The following CSRNP2 variants were observed in gnomAD, a reference collection of about 807,000 sequenced individuals.
The protein encoded by CSRNP2 is cysteine/serine-rich nuclear protein 2.
A neutral mutation model predicts 36.6 loss-of-function variants in CSRNP2; 11 were observed. That is an observed-to-expected ratio of 0.30 (90% CI 0.19 to 0.50). The LOEUF is 0.50. CSRNP2 is among the 20% of genes least tolerant of loss of function. CSRNP2 has a pLI of 0.98. For synonymous variants in CSRNP2, 248 were observed against 275.3 expected (o/e 0.90, Z 0.98); for missense variants, 483 against 691.4 (o/e 0.70, Z 3.38).
intron 1 of CSRNP2, among the ~76,000 whole-genome samples, chr12:51,082,071 T>A (rs963309692): frequency 6.6e-6 from 1 of 152,222 alleles, no homozygotes; most frequent in Non-Finnish European, 1.5e-5. Context: ...AGGGCTACCA[T>A]CTGTAGCTGG....
intron 3 of CSRNP2, among the ~76,000 whole-genome samples, chr12:51,068,604 C>T (rs1159956266): frequency 4.6e-5 from 7 of 152,142 alleles, no homozygotes; most frequent in African/African-American, 7.2e-5. Context: ...CCCTCCTACA[C>T]GAAAATCTAT....
chr12:51,078,698 C>T (rs972810904), intron 1 of CSRNP2, among the ~76,000 whole-genome samples: 23 of 152,126 alleles, frequency 1.5e-4, no homozygotes, highest in African/African-American at 5.3e-4. Context: ...GTTAGAATGG[C>T]GATCATTAAG....
rs143340150 is a variant in CSRNP2, at chr12:51,064,490, C to T, written c.888G>A (p.Pro296=). ...CTCCTGTCAGGCTGCAACTGGCAGT[C>T]GGGGAGGGCTCCTCATCTGGGGCTG... ...RPAAPDEEPS[P]TASCSLTGAQ... is the part of the protein sequence containing the mutation. Residue 296 remains proline, a synonymous_variant, in exon 5 of 5, where the codon CCG becomes CCA. Transcript: ENST00000228515. 3.3e-5 allele frequency: 53 copies of T among 1,610,188 alleles called. No homozygotes were observed. Among genetic ancestry groups the T allele is most frequent in the Middle Eastern group, 1.7e-4 (1 of 6,034 alleles).
rs1566173268 is a variant in CSRNP2 at position 51,064,565 on chromosome 12, G to A, written c.813C>T (p.His271=). 6.2e-7 allele frequency: 1 copy of A among 1,612,852 alleles called. No individual in the cohort carries two copies. The highest frequency in any genetic ancestry group is 2.2e-5 in the East Asian group (1 of 44,874). The change falls in exon 5 of 5, where the codon CAC becomes CAT. Residue 271 remains histidine (H), a synonymous_variant. Transcript: ENST00000228515. ...NPIRVRTHYL[H]TIMKLELESK... ...TCTCCAGCTCCAGCTTCATAATGGTGTGGAGGTAATGAGTCCGGACCCGGA... is the reference window on the plus strand; with the variant it reads ...TCTCCAGCTCCAGCTTCATAATGGTATGGAGGTAATGAGTCCGGACCCGGA...
intron 1 of CSRNP2, 143 bp from the exon 2 acceptor site, chr12:51,076,790 G>A: frequency 3.9e-6 from 2 of 506,418 alleles, no homozygotes; most frequent in Non-Finnish European, 7.1e-6. Flanking sequence ...TACTAGCTCT[G>A]GCCAACATTC....
intron 1 of CSRNP2, among the ~76,000 whole-genome samples, chr12:51,077,997 G>A (rs577789685): frequency 6.6e-6 from 1 of 152,210 alleles, no homozygotes; most frequent in Non-Finnish European, 1.5e-5. Context: ...GTCAAAGCGG[G>A]AGCCATGTGT....
intron 1 of CSRNP2, among the ~76,000 whole-genome samples, chr12:51,081,073 A>C (rs1939622470): frequency 6.6e-6 from 1 of 152,172 alleles, no homozygotes. Context: ...AGATCACTTG[A>C]GGCCAGGAGT....
chr12:51,070,152 AG>A (rs1938982737), intron 3 of CSRNP2, among the ~76,000 whole-genome samples: 1 of 152,224 alleles, frequency 6.6e-6, no homozygotes, highest in African/African-American at 2.4e-5. Flanking sequence ...GGAAGCTGCT[AG>A]CAGGATGAAA....
chr12:51,070,083 A>C (rs1446504655), intron 3 of CSRNP2, among the ~76,000 whole-genome samples: 1 of 152,102 alleles, frequency 6.6e-6, no homozygotes, highest in Non-Finnish European at 1.5e-5. Context: ...TGGCTGAAAG[A>C]GTTCTGAAAA....
intron 2 of CSRNP2, among the ~76,000 whole-genome samples, chr12:51,076,014 G>C (rs1208364589): frequency 6.6e-6 from 1 of 152,062 alleles, no homozygotes; most frequent in African/African-American, 2.4e-5. Context: ...TCTCGCCACT[G>C]CACTCCAGCC....
intron 2 of CSRNP2, 110 bp downstream of exon 2, chr12:51,076,301 G>T: frequency 8.5e-7 from 1 of 1,180,328 alleles, no homozygotes; most frequent in Non-Finnish European, 1.2e-6. Context: ...AGCAAGGAAA[G>T]ATGATGATTA....
In CSRNP2 at chr12:51,061,896, G is replaced by T. The variant is rs936229451; in HGVS notation, c.*1850C>A. 3 of 152,110 alleles carry T rather than the reference G, an allele frequency of 2.0e-5. No homozygotes were observed. The highest frequency in any genetic ancestry group is 6.6e-5 in the Admixed American group (1 of 15,266). The allele number at this position is 152,110 out of a possible 1,614,324, so 9.4% of individuals were successfully genotyped here. ...AAATTCCCAATTAAGCTTCAGTCCT[G>T]TGTTTGAGGGTACCAGTCTAAGGTA... On this transcript the variant is annotated 3_prime_UTR_variant, in exon 5 of 5. Coordinates refer to ENST00000228515, the MANE Select transcript of CSRNP2 (RefSeq NM_030809.3).
In CSRNP2 at chr12:51,063,044, A is replaced by G. The variant is rs1937731785; in HGVS notation, c.*702T>C. On this transcript the variant is annotated 3_prime_UTR_variant, in exon 5 of 5. Transcript: ENST00000228515. Reference sequence around the variant, plus strand: ...TCTCCGAAGGAAAAAGGATGGAGAGAAAAAAGACACATAGACAAGTTTAAC... The same window carrying G: ...TCTCCGAAGGAAAAAGGATGGAGAGGAAAAAGACACATAGACAAGTTTAAC... 6.6e-6 allele frequency: 1 copy of G among 152,240 alleles called. No homozygotes were observed. Among genetic ancestry groups the G allele is most frequent in the African/African-American group, 2.4e-5 (1 of 41,464 alleles). 9.4% of individuals were successfully genotyped at this position (152,240 alleles called of 1,614,324 possible).
intron 4 of CSRNP2, among the ~76,000 whole-genome samples, chr12:51,065,813 T>C (rs973800312): frequency 1.1e-4 from 17 of 152,094 alleles, no homozygotes; most frequent in African/African-American, 4.1e-4. Context: ...GAATGACTCA[T>C]TATGGGACTT....
chr12:51,079,769 C>CAAAAAAAAA (rs35767986), intron 1 of CSRNP2, among the ~76,000 whole-genome samples: 1 of 35,010 alleles, frequency 2.9e-5, no homozygotes, highest in Non-Finnish European at 4.6e-5. Context: ...GAGACCTTGT[C>CAAAAAAAAA]AAAAAAAAAA....
Position 51,067,702 on chromosome 12 carries a change from C to A in CSRNP2, c.679G>T (p.Ala227Ser). The A allele has an allele frequency of 1.2e-6, 2 of 1,614,028 alleles. No individual in the cohort carries two copies. Among genetic ancestry groups the A allele is most frequent in the Non-Finnish European group, 1.7e-6 (2 of 1,179,930 alleles). Residue 227 changes from alanine (A) to serine (S), a missense_variant, in exon 4 of 5, where the codon GCC becomes TCC. Transcript: ENST00000228515. This position sits in a 1 kb window ranked among gnomAD's most constrained non-coding sequence, Gnocchi z 4.1. ...CRLYCDPEAC[A>S]CSQAGIKCQV... ...CATTTAATCCCAGCCTGGCTGCAGG[C>A]ACACGCTTCTGGGTCACAATACAGT... is the stretch of plus-strand genomic sequence containing the variant.
Position 51,064,543 on chromosome 12 carries a change from C to G in CSRNP2, c.835G>C (p.Glu279Gln). 6.2e-7 allele frequency: 1 copy of G among 1,613,470 alleles called. No individual in the cohort carries two copies. The highest frequency in any genetic ancestry group is 8.5e-7 in the Non-Finnish European group (1 of 1,179,664). Residue 279 changes from glutamate to glutamine, a missense_variant, in exon 5 of 5, where the codon GAG (glutamate) becomes CAG (glutamine). Physicochemically the swap from Glu to Gln is conservative, Grantham distance 29 (BLOSUM62 2). Transcript: ENST00000228515. ...GGGCGGCTCACCTGCCGCTTGCTCT[C>G]CAGCTCCAGCTTCATAATGGTGTGG... ...YLHTIMKLEL[E>Q]SKRQVSRPAA...
chr12:51,078,061 T>C lies in CSRNP2; in HGVS notation c.-86-1414A>G, dbSNP rs1003421597. Among the ~76,000 whole-genome samples, 7 of 152,226 alleles carry C rather than the reference T, an allele frequency of 4.6e-5. No homozygotes were observed. The East Asian group carries it at 1.3e-3, about 29-fold the overall frequency. ...GTAATGCCAGAATCTCCCCAGACTA[T>C]GATCTCACTAGTTGCTAATTATGCA... On this transcript the variant is annotated intron_variant, in intron 1 of 4. Transcript: ENST00000228515.
At position 51,063,415 on chromosome 12, in the gene CSRNP2, C is replaced by G. The variant is rs1283492137; in HGVS notation, c.*331G>C. 1.1e-5 allele frequency: 2 copies of G among 177,012 alleles called. No homozygotes were observed. The highest frequency in any genetic ancestry group is 2.4e-5 in the Non-Finnish European group (2 of 85,030). The allele number at this position is 177,012 out of a possible 1,614,324, so 11.0% of individuals were successfully genotyped here. On this transcript the variant is annotated 3_prime_UTR_variant, in exon 5 of 5. Transcript: ENST00000228515. ...GCCATGCTCTTCAAATTCTCGTGTT[C>G]TGGTCCCTACAGAAAGAATAGCTGC...
Sources: gnomAD v4.1 joint callset for allele counts (sites outside exome capture counted in the v4.1 genomes callset) on GRCh38, gnomAD v4.1.1 for gene constraint, Gnocchi (gnomAD v3.1) non-coding constraint, MANE v1.5 for transcripts, NCBI Gene and HGNC (gene_info 2026-07-23, HGNC 2026-07-21) for gene names.